FGF14: variants seen among roughly 807,000 people sequenced by gnomAD.
The protein encoded by FGF14 is fibroblast growth factor homologous factor 4.
In FGF14, 5 loss-of-function variants were observed where a neutral mutation model predicts 25.5. The ratio of observed to expected loss-of-function variants is 0.20; its 90% confidence interval spans 0.10 to 0.41. The LOEUF (loss-of-function observed/expected upper bound fraction) is 0.41, where lower values mean the gene tolerates loss of function less well. Ranked by LOEUF, FGF14 falls within the 10% of genes least tolerant of loss-of-function variation. The pLI is 1.00. For missense variants in FGF14, 222 were observed against 320.1 expected (o/e 0.69, Z 2.34); for synonymous variants, 138 against 118.3 (o/e 1.17, Z -1.08).
At chr13:102,164,849 C>A (rs991233259) in intron 1 of FGF14, among the ~76,000 whole-genome samples, 2 of 151,990 alleles carry the variant, frequency 1.3e-5, no homozygotes, top group Non-Finnish European at 2.9e-5. Flanking sequence ...ATATAAAGAA[C>A]CAGAGAGTTT....
intron 1 of FGF14, among the ~76,000 whole-genome samples, chr13:102,365,825 TG>T (rs2057695807): frequency 6.6e-6 from 1 of 152,180 alleles, no homozygotes. Flanking sequence ...CTGTATTTTT[TG>T]TATATGTAGA....
At chr13:101,857,202 A>T (rs1254245149) in intron 3 of FGF14, among the ~76,000 whole-genome samples, 1 of 152,022 alleles carries the variant, frequency 6.6e-6, no homozygotes, top group African/African-American at 2.4e-5. Flanking sequence ...CCACATAATG[A>T]TTTCTGCTAA....
chr13:101,976,116 A>AT (rs35175002), intron 1 of FGF14, among the ~76,000 whole-genome samples: 66,361 of 151,088 alleles, frequency 0.44, 14,851 homozygotes, highest in African/African-American at 0.53. Context: ...TATGTCATTG[A>AT]TTTTTTTTTA....
At chr13:101,818,214 T>C (rs2140221120) in intron 3 of FGF14, among the ~76,000 whole-genome samples, 1 of 152,322 alleles carries the variant, frequency 6.6e-6, no homozygotes, top group South Asian at 2.1e-4. Context: ...AAAGATTCAT[T>C]TTTGCTTCTC....
intron 1 of FGF14, among the ~76,000 whole-genome samples, chr13:101,924,433 T>C (rs776703185): frequency 2.0e-5 from 3 of 152,196 alleles, no homozygotes; most frequent in Non-Finnish European, 4.4e-5. Flanking sequence ...TAAAGGTAAT[T>C]AAAATAGTGA....
chr13:101,989,616 T>C (rs553255296), intron 1 of FGF14, among the ~76,000 whole-genome samples: 1 of 152,276 alleles, frequency 6.6e-6, no homozygotes, highest in African/African-American at 2.4e-5. Context: ...ATATATGTTT[T>C]TGTATATGTA....
chr13:102,313,986 G>C (rs1176001860), intron 1 of FGF14, among the ~76,000 whole-genome samples: 1 of 152,202 alleles, frequency 6.6e-6, no homozygotes, highest in Non-Finnish European at 1.5e-5. Context: ...GCCAGGCTGA[G>C]GCCGGAGAAC....
chr13:101,979,603 T>A (rs1358301936), intron 1 of FGF14, among the ~76,000 whole-genome samples: 1 of 152,212 alleles, frequency 6.6e-6, no homozygotes, highest in Non-Finnish European at 1.5e-5. Flanking sequence ...CAACCTTATA[T>A]CTAGAAGCTG....
At chr13:101,913,529 G>T (rs548360410) in intron 1 of FGF14, among the ~76,000 whole-genome samples, 3 of 152,156 alleles carry the variant, frequency 2.0e-5, no homozygotes, top group Admixed American at 2.0e-4. Context: ...TCAAAAATGT[G>T]TATTACCCTT....
At position 102,210,430 on chromosome 13, in the gene FGF14, G is replaced by A. The variant is rs148271887; in HGVS notation, c.208+191041C>T. ...GATGTACCATTTTTGTTCTAAAATG[G>A]AAACATTTACATTAAAAACTACATA... is the stretch of plus-strand genomic sequence containing the variant. On this transcript the variant is annotated intron_variant, in intron 1 of 4. Coordinates refer to the FGF14 transcript ENST00000376131. 2.1e-3 allele frequency among the ~76,000 whole-genome samples: 325 copies of A among 152,108 alleles called. 2 individuals carry two copies. The highest frequency in any genetic ancestry group is 7.4e-3 in the African/African-American group (309 of 41,486).
chr13:101,839,803 A>G (rs758159249), intron 3 of FGF14, among the ~76,000 whole-genome samples: 1 of 152,016 alleles, frequency 6.6e-6, no homozygotes, highest in Non-Finnish European at 1.5e-5. Context: ...CAGACTCAAA[A>G]TGAAGAAAAT....
chr13:101,870,016 C>A (rs906434358), intron 2 of FGF14, among the ~76,000 whole-genome samples: 5 of 152,110 alleles, frequency 3.3e-5, no homozygotes, highest in Admixed American at 6.6e-5. Context: ...AAAAGGAAAA[C>A]CTCAGGCCAG....
At chr13:102,160,351 T>C (rs1439844729) in intron 1 of FGF14, among the ~76,000 whole-genome samples, 1 of 152,154 alleles carries the variant, frequency 6.6e-6, no homozygotes, top group Non-Finnish European at 1.5e-5. Context: ...AGCCCAGCTA[T>C]GTTCTACATC....
chr13:102,388,036 G>A (rs1375192603), intron 1 of FGF14, among the ~76,000 whole-genome samples: 2 of 152,130 alleles, frequency 1.3e-5, no homozygotes, highest in African/African-American at 4.8e-5. Context: ...GCCATAGGTA[G>A]TTTTTTGATC....
intron 1 of FGF14, among the ~76,000 whole-genome samples, chr13:102,107,633 A>T (rs979200520): frequency 4.6e-5 from 7 of 152,208 alleles, no homozygotes; most frequent in Admixed American, 6.5e-5. Context: ...AGAGAGATGT[A>T]ACTGGTCATG....
chr13:102,243,512 A>G (rs2051705780), intron 1 of FGF14, among the ~76,000 whole-genome samples: 1 of 152,130 alleles, frequency 6.6e-6, no homozygotes, highest in African/African-American at 2.4e-5. Context: ...ACAATTAACA[A>G]CAAAAAAACT....
intron 1 of FGF14, among the ~76,000 whole-genome samples, chr13:102,397,320 A>G (rs1335195564): frequency 6.6e-6 from 1 of 152,202 alleles, no homozygotes; most frequent in Non-Finnish European, 1.5e-5. Flanking sequence ...CAGAGCTGAA[A>G]GGCAGCCAGA....
At chr13:101,815,514 A>G (rs1594351233) in intron 3 of FGF14, among the ~76,000 whole-genome samples, 1 of 152,184 alleles carries the variant, frequency 6.6e-6, no homozygotes, top group South Asian at 2.1e-4. Context: ...TTTAAGAAGC[A>G]CTGAAAACAA....
chr13:102,303,884 T>C (rs1299528214), intron 1 of FGF14, among the ~76,000 whole-genome samples: 3 of 152,190 alleles, frequency 2.0e-5, no homozygotes, highest in Non-Finnish European at 2.9e-5. Context: ...TGATAACTTA[T>C]CAGATTCAAA....
Sources: allele counts gnomAD v4.1 joint callset (sites outside exome capture counted in the v4.1 genomes callset), GRCh38; gene constraint gnomAD v4.1.1; transcripts MANE v1.5; gene names NCBI Gene and HGNC (gene_info 2026-07-23, HGNC 2026-07-21).